The following TTN variants were observed in gnomAD, a reference collection of about 807,000 sequenced individuals.
TTN encodes connectin.
Under a neutral mutation model 3,223.0 loss-of-function variants are expected in TTN, and 1,525 were observed. That is an observed-to-expected ratio of 0.47 (90% confidence interval 0.45 to 0.49). The LOEUF is 0.49. Ranked by LOEUF, TTN falls within the 20% of genes least tolerant of loss-of-function variation. TTN has a pLI of 0.00. For missense variants in TTN, 40,786 were observed against 43,424.0 expected (o/e 0.94, Z 5.40); for synonymous variants, 14,094 against 15,161.0 (o/e 0.93, Z 5.17).
chr2:178,586,909 T>G, intron 307 of TTN, 102 bp from the exon 308 acceptor site: 5 of 1,464,620 alleles, frequency 3.4e-6, no homozygotes, highest in Non-Finnish European at 4.7e-6. Context: ...CCAATGTACA[T>G]AGAACCTGTA....
At position 178,556,962 on chromosome 2, in the gene TTN, A is replaced by C; in HGVS notation, c.88192T>G (p.Ser29398Ala). 6.2e-7 allele frequency: 1 copy of C among 1,613,862 alleles called. No homozygotes were observed. The highest frequency in any genetic ancestry group is 1.7e-4 in the Middle Eastern group (1 of 6,060). Residue 29398 changes from serine to alanine, a missense_variant, in exon 330 of 363, where the codon TCT (serine) becomes GCT (alanine). Transcript: ENST00000589042. ...TACTGGGAATTCTGAGTCAAGCCAG[A>C]GATGATGAATTGAGTTTCAGTAACA... ...TNVTETQFII[S>A]GLTQNSQYEF...
At chr2:178,748,388 A>G in intron 47 of TTN, 1 of 1,613,234 alleles carries the variant, frequency 6.2e-7, no homozygotes, top group Non-Finnish European at 8.5e-7. Context: ...TTGACTGGCA[A>G]ATACATTATT....
chr2:178,629,191 CAA>C, intron 240 of TTN, 108 bp downstream of exon 240: 1 of 1,393,310 alleles, frequency 7.2e-7, no homozygotes, highest in Non-Finnish European at 9.5e-7. Flanking sequence ...AAGAGAAAGG[CAA>C]AGACAGAGGA....
In TTN at chr2:178,535,966, AT is replaced by A. The variant is rs761890808; in HGVS notation, c.100765+15del. On this transcript the variant is annotated intron_variant, in intron 357 of 362. Transcript: ENST00000589042. ...CTCATTTAGCCTCAACTTGATGATA[AT>A]TTATTTATTTTTACCTTCCACTTCC... 2 of 1,523,720 alleles carry A rather than the reference AT, an allele frequency of 1.3e-6. No homozygotes were observed. Among genetic ancestry groups the A allele is most frequent in the African/African-American group, 2.8e-5 (2 of 71,728 alleles). 94.4% of individuals were successfully genotyped at this position (1,523,720 alleles called of 1,614,324 possible). A position where few individuals can be genotyped will look rare whatever the true frequency, so the allele number is the denominator to read the frequency against.
At chr2:178,675,427 T>C (rs1185088826) in intron 149 of TTN, 2 of 383,816 alleles carry the variant, frequency 5.2e-6, no homozygotes, top group Non-Finnish European at 9.1e-6. Context: ...TCCTTAGTTA[T>C]TTTTGGCTCT....
chr2:178,674,121 T>C (rs1247077322), intron 151 of TTN, among the ~76,000 whole-genome samples, 193 bp downstream of exon 151: 2 of 151,714 alleles, frequency 1.3e-5, no homozygotes, highest in Non-Finnish European at 3.0e-5. Flanking sequence ...TCATTCTTAG[T>C]TGTATTGCAG....
chr2:178,586,721 C>T lies in TTN; in HGVS notation c.64180G>A (p.Gly21394Arg). The change falls in exon 308 of 363, where the codon GGA (glycine) becomes AGA (arginine). Residue 21394 changes from glycine to arginine, a missense_variant. By Grantham distance (125) the Gly-to-Arg change is moderately radical (BLOSUM62 -2). Transcript: ENST00000589042. ...ATGTAGCCATCGATTTTAGCACCTC[C>T]ATCACGTAGGGGAGGTAACCAGGCT... ...TLAWLPPLRD[G>R]GAKIDGYITS... The T allele has an allele frequency of 6.2e-7, 1 of 1,613,114 alleles. No individual in the cohort carries two copies. The highest frequency in any genetic ancestry group is 8.5e-7 in the Non-Finnish European group (1 of 1,179,348).
At position 178,653,290 on chromosome 2, in the gene TTN, T is replaced by C. The variant is rs759128215; in HGVS notation, c.38739A>G (p.Glu12913=). 8.5e-5 allele frequency: 137 copies of C among 1,612,300 alleles called. 1 individual carries two copies. Among genetic ancestry groups the C allele is most frequent in the Non-Finnish European group, 1.2e-4 (136 of 1,179,524 alleles). ...VPEAPKEVVL[E]KKVPLAPPKK... is the part of the protein sequence containing the mutation. ...TAGGAGGAGCCAAGGGCACTTTCTT[T>C]TCAAGGACAACTTCTTTGGGAGCCT... The change falls in exon 198 of 363, where the codon GAA becomes GAG. Residue 12913 remains glutamate (E), a synonymous_variant. Coordinates refer to ENST00000589042, the MANE Select transcript of TTN (RefSeq NM_001267550.2).
intron 356 of TTN, 64 bp downstream of exon 356, chr2:178,536,874 A>G (rs1691801548): frequency 1.4e-5 from 20 of 1,414,846 alleles, no homozygotes; most frequent in Non-Finnish European, 1.7e-5. Flanking sequence ...CTTTCTGTTT[A>G]AAAGAATTTT....
chr2:178,773,083 G>T lies in TTN; in HGVS notation c.7855+26C>A, dbSNP rs753601590. Reference sequence around the variant, plus strand: ...TTAAAATAACAATCACTCCTCGTAAGAATTTAGGTTAATAAATATACCAAC... The same window carrying T: ...TTAAAATAACAATCACTCCTCGTAATAATTTAGGTTAATAAATATACCAAC... On this transcript the variant is annotated intron_variant, in intron 33 of 362. Coordinates refer to ENST00000589042, the MANE Select transcript of TTN (RefSeq NM_001267550.2). The T allele has an allele frequency of 4.3e-6, 7 of 1,613,476 alleles. No homozygotes were observed. The East Asian group carries it at 1.3e-4, about 31-fold the overall frequency.
chr2:178,721,174 T>G lies in TTN; in HGVS notation c.22845A>C (p.Glu7615Asp), dbSNP rs1422183428. 1 of 1,602,396 alleles carries G rather than the reference T, an allele frequency of 6.2e-7. No homozygotes were observed. Among genetic ancestry groups the G allele is most frequent in the Admixed American group, 1.7e-5 (1 of 59,354 alleles). Reference protein sequence around the residue: ...KEPPKFVKKLEASKVAKQGES... With the variant: ...KEPPKFVKKLDASKVAKQGES... ...CTCCCTGCTTTGCAACTTTTGAAGCTTCTAATTTCTTAACAAACTTTGGAG... is the reference window on the plus strand; with the variant it reads ...CTCCCTGCTTTGCAACTTTTGAAGCGTCTAATTTCTTAACAAACTTTGGAG... Residue 7615 changes from glutamate (E) to aspartate (D), a missense_variant, in exon 79 of 363, where the codon GAA becomes GAC. By Grantham distance (45) the Glu-to-Asp change is conservative. Coordinates refer to ENST00000589042, the MANE Select transcript of TTN (RefSeq NM_001267550.2).
Position 178,533,693 on chromosome 2 carries a change from T to G in TTN, c.102922A>C (p.Thr34308Pro), listed in dbSNP as rs769739303. The part of the protein sequence containing the change: ...IKPGDNDKKY[T>P]FESDKGLYQL... ...TAAAGACCCTTGTCTGACTCAAATGTGTACTTCTTGTCATTGTCACCTGGT... is the reference window on the plus strand; with the variant it reads ...TAAAGACCCTTGTCTGACTCAAATGGGTACTTCTTGTCATTGTCACCTGGT... The change falls in exon 358 of 363, where the codon ACA becomes CCA. Residue 34308 changes from threonine to proline, a missense_variant. Coordinates refer to ENST00000589042, the MANE Select transcript of TTN (RefSeq NM_001267550.2). 7.4e-6 allele frequency: 12 copies of G among 1,613,960 alleles called. No homozygotes were observed. In the East Asian group the frequency reaches 2.7e-4, roughly 36 times the overall value.
chr2:178,723,356 C>T (rs117810059), intron 74 of TTN, 32 bp from the exon 75 acceptor site: 2 of 1,603,452 alleles, frequency 1.2e-6, no homozygotes, highest in African/African-American at 2.7e-5. Context: ...CAGTTAAACA[C>T]AAGAAAAACA....
At position 178,704,583 on chromosome 2, in the gene TTN, A is replaced by G. The variant is rs749294323; in HGVS notation, c.29889T>C (p.Cys9963=). The change falls in exon 105 of 363, where the codon TGT becomes TGC. Residue 9963 remains cysteine, a synonymous_variant. Coordinates refer to ENST00000589042, the MANE Select transcript of TTN (RefSeq NM_001267550.2). ...GATAATTGCCCTGGTCTTTAAGTTGACAGTTTTTGACTCTGAGTGTATGTC... is the reference window on the plus strand; with the variant it reads ...GATAATTGCCCTGGTCTTTAAGTTGGCAGTTTTTGACTCTGAGTGTATGTC... ...GDRHTLRVKN[C]QLKDQGNYRL... is the part of the protein sequence containing the mutation. 6.2e-7 allele frequency: 1 copy of G among 1,613,414 alleles called. No homozygotes were observed. Among genetic ancestry groups the G allele is most frequent in the East Asian group, 2.2e-5 (1 of 44,886 alleles).
intron 47 of TTN, chr2:178,747,581 A>T: frequency 6.2e-7 from 1 of 1,613,012 alleles, no homozygotes. Context: ...TACTTCTTCC[A>T]CCTCCATTGA....
At chr2:178,618,966 A>G in intron 250 of TTN, 113 bp from the exon 251 acceptor site, 1 of 1,404,634 alleles carries the variant, frequency 7.1e-7, no homozygotes, top group African/African-American at 1.5e-5. Flanking sequence ...GAAGTAAGCT[A>G]CAGTAACTTT....
chr2:178,791,428 T>C (rs1007685356), intron 10 of TTN, among the ~76,000 whole-genome samples: 1 of 152,162 alleles, frequency 6.6e-6, no homozygotes, highest in African/African-American at 2.4e-5. Flanking sequence ...GCCTCTCTCC[T>C]GACACTTAAA....
intron 38 of TTN, among the ~76,000 whole-genome samples, chr2:178,768,415 G>T (rs1001627356): frequency 6.6e-6 from 1 of 152,112 alleles, no homozygotes; most frequent in South Asian, 2.1e-4. Context: ...CTATAGATTT[G>T]TGTATCTTGG....
At chr2:178,750,077 G>A in intron 47 of TTN, 2 of 1,613,168 alleles carry the variant, frequency 1.2e-6, no homozygotes, top group East Asian at 2.2e-5. Flanking sequence ...AGTAGCTGCT[G>A]TTACCTGAAT....
Sources: gnomAD v4.1 joint callset for allele counts (sites outside exome capture counted in the v4.1 genomes callset) on GRCh38, gnomAD v4.1.1 for gene constraint, MANE v1.5 for transcripts, NCBI Gene and HGNC (gene_info 2026-07-23, HGNC 2026-07-21) for gene names.